Variants in UGT1A7 observed in about 807,000 individuals in gnomAD.
UGT1A7 encodes the protein UDP-glucuronosyltransferase 1A7.
UGT1A7 carries 33 observed loss-of-function variants against 45.6 expected under a neutral mutation model. The ratio of observed to expected loss-of-function variants is 0.72; its 90% CI spans 0.55 to 0.97. The LOEUF (loss-of-function observed/expected upper bound fraction) is 0.97. Among genes scored for constraint, UGT1A7 ranks in the 50% least tolerant of loss-of-function variants. UGT1A7 has a pLI of 0.00. For missense variants in UGT1A7, 684 were observed against 666.2 expected (o/e 1.03, Z -0.29); for synonymous variants, 274 against 250.6 (o/e 1.09, Z -0.88).
intron 2 of UGT1A7, 98 bp downstream of exon 2, chr2:233,767,263 G>C (rs1020187729): frequency 6.3e-7 from 1 of 1,589,094 alleles, no homozygotes; most frequent in African/African-American, 1.4e-5. Flanking sequence ...TGGAACCTTA[G>C]ATTTGGCTTT....
intron 1 of UGT1A7, among the ~76,000 whole-genome samples, chr2:233,744,367 A>T (rs2125862571): frequency 6.6e-6 from 1 of 151,892 alleles, no homozygotes; most frequent in Non-Finnish European, 1.5e-5. Flanking sequence ...GTTGTTTAGG[A>T]CTGCAGTTCT....
chr2:233,724,345 C>T (rs2077230471), intron 1 of UGT1A7, among the ~76,000 whole-genome samples: 3 of 148,032 alleles, frequency 2.0e-5, no homozygotes, highest in East Asian at 2.1e-4. Flanking sequence ...GGCTGACCCC[C>T]CCCACCTCCC....
At chr2:233,738,832 A>G (rs6431628) in intron 1 of UGT1A7, 84,103 of 152,154 alleles carry the variant, frequency 0.55, 25,404 homozygotes, top group African/African-American at 0.81. Context: ...ATAAGGAGGA[A>G]CCAAATGTTA....
intron 1 of UGT1A7, among the ~76,000 whole-genome samples, chr2:233,703,248 G>A (rs1279387068): frequency 2.0e-5 from 3 of 152,122 alleles, no homozygotes; most frequent in Non-Finnish European, 2.9e-5. Context: ...GGCCCAGAGT[G>A]TTCCCTTATA....
At chr2:233,692,066 G>GGA (rs570948190) in intron 1 of UGT1A7, 1 of 152,176 alleles carries the variant, frequency 6.6e-6, no homozygotes, top group Admixed American at 6.5e-5. Flanking sequence ...AGGGAAGAAA[G>GGA]GAGAGAGAGA....
chr2:233,729,548 T>G (rs1482576119), intron 1 of UGT1A7: 2 of 1,614,102 alleles, frequency 1.2e-6, no homozygotes, highest in African/African-American at 2.7e-5. Context: ...ATCAGGCACC[T>G]GAATGCTACT....
At chr2:233,719,881 G>A (rs1265603009) in intron 1 of UGT1A7, among the ~76,000 whole-genome samples, 1 of 152,192 alleles carries the variant, frequency 6.6e-6, no homozygotes, top group East Asian at 1.9e-4. Flanking sequence ...AAGAGGCACG[G>A]ATGAGGGTCT....
chr2:233,707,323 G>A (rs1469096333), intron 1 of UGT1A7, among the ~76,000 whole-genome samples: 1 of 152,126 alleles, frequency 6.6e-6, no homozygotes, highest in African/African-American at 2.4e-5. Flanking sequence ...AGCTAAACAT[G>A]TGCCATGGTG....
chr2:233,741,302 A>G (rs1379292322), intron 1 of UGT1A7, among the ~76,000 whole-genome samples: 1 of 151,744 alleles, frequency 6.6e-6, no homozygotes, highest in Non-Finnish European at 1.5e-5. Context: ...AATTGTGTAG[A>G]TACACACCAA....
intron 1 of UGT1A7, among the ~76,000 whole-genome samples, chr2:233,710,469 T>C (rs2076133912): frequency 6.6e-6 from 1 of 152,238 alleles, no homozygotes; most frequent in Non-Finnish European, 1.5e-5. Context: ...AATGGGTGTG[T>C]AGTAGAATTT....
chr2:233,761,475 T>C (rs930055799), intron 1 of UGT1A7, among the ~76,000 whole-genome samples: 6 of 152,232 alleles, frequency 3.9e-5, no homozygotes, highest in African/African-American at 1.2e-4. Flanking sequence ...GAAAACTCAG[T>C]TGAAGCCTGC....
At chr2:233,767,515 T>G (rs1699410322) in intron 2 of UGT1A7, among the ~76,000 whole-genome samples, 1 of 152,264 alleles carries the variant, frequency 6.6e-6, no homozygotes, top group Admixed American at 6.5e-5. Flanking sequence ...GTTAGAACAC[T>G]GAATTTATGT....
intron 1 of UGT1A7, among the ~76,000 whole-genome samples, chr2:233,740,004 G>C (rs1691279372): frequency 6.6e-6 from 1 of 151,810 alleles, no homozygotes; most frequent in African/African-American, 2.4e-5. Context: ...GTCATACTAA[G>C]TGAGTTCTCA....
chr2:233,772,622 C>A lies in UGT1A7; in HGVS notation c.*63C>A, dbSNP rs894885863. 5 of 1,567,432 alleles carry A rather than the reference C, an allele frequency of 3.2e-6. No homozygotes were observed. The highest frequency in any genetic ancestry group is 3.5e-6 in the Non-Finnish European group (4 of 1,155,382). ...CCCTAGTCATTTCCAAACTTGAAAA[C>A]AGAATCAGTGTTAAATTCATTTTAT... On this transcript the variant is annotated 3_prime_UTR_variant, in exon 5 of 5. Transcript: ENST00000373426.
intron 2 of UGT1A7, 122 bp from the exon 3 acceptor site, chr2:233,767,727 T>A (rs28946890): frequency 6.4e-7 from 1 of 1,556,204 alleles, no homozygotes; most frequent in Non-Finnish European, 8.7e-7. Flanking sequence ...CAGTTACTGA[T>A]CCTCCCACTC....
chr2:233,743,691 C>T (rs368518074), intron 1 of UGT1A7: 24 of 1,367,118 alleles, frequency 1.8e-5, no homozygotes, highest in Non-Finnish European at 2.2e-5. Context: ...CCTGTGCAGC[C>T]GCCCTCCGCC....
chr2:233,690,739 G>A (rs900509800), intron 1 of UGT1A7: 18 of 1,204,014 alleles, frequency 1.5e-5, no homozygotes, highest in Non-Finnish European at 1.8e-5. Context: ...AGATTCCTCT[G>A]GCTAGTGTCC....
At chr2:233,719,227 C>G in intron 1 of UGT1A7, 1 of 1,614,176 alleles carries the variant, frequency 6.2e-7, no homozygotes, top group Non-Finnish European at 8.5e-7. Context: ...CATAATGAGG[C>G]CCTGATCAGG....
At chr2:233,741,946 A>T (rs1293176575) in intron 1 of UGT1A7, 1 of 151,876 alleles carries the variant, frequency 6.6e-6, no homozygotes, top group Non-Finnish European at 1.5e-5. Flanking sequence ...TGCCAACAGA[A>T]AGGTACTTTC....
Sources: gnomAD v4.1 joint callset for allele counts (sites outside exome capture counted in the v4.1 genomes callset) on GRCh38, gnomAD v4.1.1 for gene constraint, MANE v1.5 for transcripts, NCBI Gene and HGNC (gene_info 2026-07-23, HGNC 2026-07-21) for gene names.